Variants in SKI observed in about 807,000 individuals in gnomAD.
SKI encodes the protein ski oncogene.
Under a neutral mutation model 59.3 loss-of-function variants are expected in SKI, and 23 were observed. The ratio of observed to expected loss-of-function variants is 0.39; its 90% CI spans 0.28 to 0.55. The LOEUF (loss-of-function observed/expected upper bound fraction) is 0.55. Among genes scored for constraint, SKI ranks in the 20% least tolerant of loss-of-function variants. SKI has a pLI of 0.67. For synonymous variants in SKI, 673 were observed against 488.6 expected (o/e 1.38, Z -4.98); for missense variants, 1,017 against 1,038.9 (o/e 0.98, Z 0.29).
Position 2,236,689 on chromosome 1 carries a change from G to A in SKI, c.969+6954G>A, listed in dbSNP as rs138063321. ...CAAAGTGTTGGGATTACAGGCATGA[G>A]CCATTGCGCCTGGCCATTGTTCCAC... On this transcript the variant is annotated intron_variant, in intron 1 of 6. Coordinates refer to ENST00000378536, the MANE Select transcript of SKI (RefSeq NM_003036.4). Among the ~76,000 whole-genome samples the A allele has an allele frequency of 2.4e-4, 37 of 152,324 alleles. No homozygotes were observed. The East Asian group carries it at 6.0e-3, about 25-fold the overall frequency.
intron 1 of SKI, among the ~76,000 whole-genome samples, chr1:2,261,875 C>T (rs2100839431): frequency 6.7e-6 from 1 of 148,242 alleles, no homozygotes; most frequent in Admixed American, 6.7e-5. Context: ...GACGCCCTCA[C>T]TCCTGATCTC....
intron 1 of SKI, among the ~76,000 whole-genome samples, chr1:2,238,529 C>T (rs768172909): frequency 6.6e-6 from 1 of 152,228 alleles, no homozygotes; most frequent in East Asian, 1.9e-4. Flanking sequence ...TGAGACTTCC[C>T]TCTGCAGAGG....
intron 1 of SKI, among the ~76,000 whole-genome samples, chr1:2,244,122 C>T (rs1282666987): frequency 6.6e-6 from 1 of 152,080 alleles, no homozygotes; most frequent in Admixed American, 6.5e-5. Context: ...CCCGCCACCA[C>T]ACCCGGATAA....
chr1:2,301,294 C>T (rs1194052422), intron 1 of SKI, among the ~76,000 whole-genome samples: 1 of 152,230 alleles, frequency 6.6e-6, no homozygotes, highest in Non-Finnish European at 1.5e-5. Flanking sequence ...CGAAAGCCGC[C>T]ACATAGAGGG....
chr1:2,291,113 G>A (rs1246449181), intron 1 of SKI, among the ~76,000 whole-genome samples: 1 of 152,234 alleles, frequency 6.6e-6, no homozygotes, highest in African/African-American at 2.4e-5. Flanking sequence ...GGACCCAGAC[G>A]AGCTGCGAAT....
At chr1:2,278,089 T>C (rs1249156132) in intron 1 of SKI, among the ~76,000 whole-genome samples, 1 of 152,232 alleles carries the variant, frequency 6.6e-6, no homozygotes, top group Non-Finnish European at 1.5e-5. Context: ...TGAGCAAGTC[T>C]GGAGGCAGGC....
chr1:2,272,033 C>T (rs542190668), intron 1 of SKI, among the ~76,000 whole-genome samples: 10 of 152,172 alleles, frequency 6.6e-5, no homozygotes, highest in Non-Finnish European at 1.3e-4. Flanking sequence ...GGGCACTGAG[C>T]GGAGGGGCTT....
chr1:2,244,114 C>T (rs142451335), intron 1 of SKI, among the ~76,000 whole-genome samples: 8,185 of 152,128 alleles, frequency 0.054, 293 homozygotes, highest in Middle Eastern at 0.15. Context: ...TACAGGTGCC[C>T]GCCACCACAC....
chr1:2,272,144 C>G (rs1272152542), intron 1 of SKI, among the ~76,000 whole-genome samples: 3 of 152,226 alleles, frequency 2.0e-5, no homozygotes, highest in Non-Finnish European at 1.5e-5. Context: ...TTATTGCTGT[C>G]TCTTACGTTC....
chr1:2,305,345 C>A (rs375678527), intron 5 of SKI, among the ~76,000 whole-genome samples: 1 of 152,184 alleles, frequency 6.6e-6, no homozygotes, highest in African/African-American at 2.4e-5. Context: ...AAATTCACAC[C>A]TCGGCGGCGT....
At chr1:2,239,231 T>G (rs1638813524) in intron 1 of SKI, among the ~76,000 whole-genome samples, 1 of 152,230 alleles carries the variant, frequency 6.6e-6, no homozygotes, top group African/African-American at 2.4e-5. Flanking sequence ...TTTGCTAAGT[T>G]TTTTTTTGCA....
intron 1 of SKI, among the ~76,000 whole-genome samples, chr1:2,293,297 TG>T (rs1191406898): frequency 6.6e-6 from 1 of 152,136 alleles, no homozygotes; most frequent in Non-Finnish European, 1.5e-5. Flanking sequence ...GGCGTGGCCC[TG>T]GGTGGCTGCC....
At chr1:2,278,120 A>G (rs773577992) in intron 1 of SKI, among the ~76,000 whole-genome samples, 26 of 152,156 alleles carry the variant, frequency 1.7e-4, no homozygotes, top group Non-Finnish European at 2.6e-4. Context: ...GGGCCACAGT[A>G]TGGTTCTTAG....
chr1:2,228,962 G>A lies in SKI; in HGVS notation c.196G>A (p.Ala66Thr). 1 of 1,424,702 alleles carries A rather than the reference G, an allele frequency of 7.0e-7. No individual in the cohort carries two copies. The highest frequency in any genetic ancestry group is 1.4e-5 in the South Asian group (1 of 71,076). The allele number at this position is 1,424,702 out of a possible 1,614,324, so 88.3% of individuals were successfully genotyped here. Residue 66 changes from alanine (A) to threonine (T), a missense_variant, in exon 1 of 7, where the codon GCA (alanine) becomes ACA (threonine). Coordinates refer to ENST00000378536, the MANE Select transcript of SKI (RefSeq NM_003036.4). ...GAAAVPAPVPAATEPPPVLHL... is the reference protein window; with the variant it reads ...GAAAVPAPVPTATEPPPVLHL... ...GGCCGCGGTGCCGGCGCCGGTGCCC[G>A]CAGCCACCGAGCCGCCGCCCGTGCT...
Position 2,237,990 on chromosome 1 carries a change from G to A in SKI, c.969+8255G>A, listed in dbSNP as rs573687301. 2.6e-5 allele frequency among the ~76,000 whole-genome samples: 4 copies of A among 152,288 alleles called. No homozygotes were observed. In the East Asian group the frequency reaches 5.8e-4, roughly 22 times the overall value. On this transcript the variant is annotated intron_variant, in intron 1 of 6. Coordinates refer to ENST00000378536, the MANE Select transcript of SKI (RefSeq NM_003036.4). ...CCTCGTGTGGCGGGCGTCTCTCCCC[G>A]GTGCCCTCCCGCCTGGTGCTGTCAA...
At chr1:2,283,349 AGGG>A (rs145591357) in intron 1 of SKI, among the ~76,000 whole-genome samples, 27,185 of 149,886 alleles carry the variant, frequency 0.18, 2,716 homozygotes, top group African/African-American at 0.27. Context: ...TCAGAGCCTC[AGGG>A]GGGGGAGGGC....
intron 1 of SKI, among the ~76,000 whole-genome samples, chr1:2,280,015 G>A (rs1377393574): frequency 6.6e-6 from 1 of 152,194 alleles, no homozygotes; most frequent in African/African-American, 2.4e-5. Context: ...TTCAGGAGAA[G>A]CGCGAGGCAT....
At chr1:2,263,390 A>C (rs944055152) in intron 1 of SKI, among the ~76,000 whole-genome samples, 3 of 151,724 alleles carry the variant, frequency 2.0e-5, no homozygotes, top group Admixed American at 6.6e-5. Context: ...GGCGCATGCC[A>C]CTGTGCCTGG....
intron 1 of SKI, among the ~76,000 whole-genome samples, chr1:2,288,404 G>C (rs890530464): frequency 6.6e-6 from 1 of 152,234 alleles, no homozygotes; most frequent in Admixed American, 6.5e-5. Flanking sequence ...TTACAGGCAT[G>C]AGCCACTGTG....
Sources: gnomAD v4.1 joint callset for allele counts (sites outside exome capture counted in the v4.1 genomes callset) on GRCh38, gnomAD v4.1.1 for gene constraint, MANE v1.5 for transcripts, NCBI Gene and HGNC (gene_info 2026-07-23, HGNC 2026-07-21) for gene names.